TMPO: variants seen among roughly 807,000 people sequenced by gnomAD.
TMPO encodes thymopoietin, also known as LEM domain containing 4.
TMPO carries 22 observed loss-of-function variants against 45.4 expected under a neutral mutation model. That is an observed-to-expected ratio of 0.48 (90% CI 0.35 to 0.69). The LOEUF is 0.69. Ranked by LOEUF, TMPO falls within the 30% of genes least tolerant of loss-of-function variation. The probability of loss-of-function intolerance (pLI) is 0.01; values close to 1 mark genes in which losing one functional copy is unlikely to be tolerated. For synonymous variants in TMPO, 241 were observed against 204.1 expected (o/e 1.18, Z -1.54); for missense variants, 512 against 548.8 (o/e 0.93, Z 0.67).
At chr12:98,545,953 G>A (rs1422383926) in intron 7 of TMPO, among the ~76,000 whole-genome samples, 1 of 151,994 alleles carries the variant, frequency 6.6e-6, no homozygotes, top group African/African-American at 2.4e-5. Context: ...GGCTGGTCTC[G>A]AACTCCTGAC....
At chr12:98,529,366 TATCA>T (rs764918452) in intron 2 of TMPO, among the ~76,000 whole-genome samples, 48 of 152,134 alleles carry the variant, frequency 3.2e-4, no homozygotes, top group Non-Finnish European at 5.6e-4. Flanking sequence ...CTTTTTCATT[TATCA>T]TTAAAAGTAC....
intron 1 of TMPO, among the ~76,000 whole-genome samples, chr12:98,524,833 A>G (rs1442104308): frequency 1.3e-5 from 2 of 152,150 alleles, no homozygotes; most frequent in Non-Finnish European, 2.9e-5. Flanking sequence ...ACTTCAAGTG[A>G]TCCACCCACC....
chr12:98,537,588 TTACCACCGTG>T lies in TMPO; in HGVS notation c.663+20_663+29del. 6.3e-7 allele frequency: 1 copy of T among 1,587,828 alleles called. No individual in the cohort carries two copies. The highest frequency in any genetic ancestry group is 8.6e-7 in the Non-Finnish European group (1 of 1,158,560). ...GCACAATCAGGTATCTTTAGTTTTA[TTACCACCGTG>T]TACAGGTATAAATAACCTCCTGACA... On this transcript the variant is annotated intron_variant, in intron 4 of 8. Transcript: ENST00000556029.
intron 3 of TMPO, chr12:98,533,167 T>TTC: frequency 6.2e-7 from 1 of 1,614,152 alleles, no homozygotes; most frequent in South Asian, 1.1e-5. Flanking sequence ...CAGTGCCATG[T>TTC]TGGTCTCTAC....
At chr12:98,530,348 A>AT (rs1457352877) in intron 2 of TMPO, among the ~76,000 whole-genome samples, 1 of 152,142 alleles carries the variant, frequency 6.6e-6, no homozygotes, top group African/African-American at 2.4e-5. Context: ...AAAAAAAAAA[A>AT]AGAAATTCCA....
intron 4 of TMPO, among the ~76,000 whole-genome samples, chr12:98,539,277 G>A (rs1877765362): frequency 6.6e-6 from 1 of 151,974 alleles, no homozygotes; most frequent in Non-Finnish European, 1.5e-5. Flanking sequence ...AAACTGAGGA[G>A]CAGAATAAAT....
Position 98,548,990 on chromosome 12 carries a change from G to A in TMPO, c.*1132G>A, listed in dbSNP as rs1230951735. ...AAAAAAATTAGCTGGGCGTGATGAT[G>A]TGCGCCTGTAGTCCTGTCTACTAGG... On this transcript the variant is annotated 3_prime_UTR_variant, in exon 9 of 9. Coordinates refer to ENST00000556029, the MANE Select transcript of TMPO (RefSeq NM_001032283.3). 5.9e-5 allele frequency: 9 copies of A among 152,334 alleles called. No homozygotes were observed. The highest frequency in any genetic ancestry group is 1.9e-4 in the African/African-American group (8 of 41,516). The allele number at this position is 152,334 out of a possible 1,614,324, so 9.4% of individuals were successfully genotyped here.
intron 1 of TMPO, among the ~76,000 whole-genome samples, chr12:98,520,742 G>A (rs1444956363): frequency 2.0e-5 from 3 of 151,436 alleles, no homozygotes; most frequent in Non-Finnish European, 4.4e-5. Context: ...CCGCCACCAC[G>A]CCTGGCTAAT....
chr12:98,534,605 GCTTTA>G, intron 3 of TMPO: 1 of 1,234,212 alleles, frequency 8.1e-7, no homozygotes, highest in Non-Finnish European at 1.0e-6. Flanking sequence ...TCTGTTTCCT[GCTTTA>G]CTTATGTTTT....
chr12:98,545,129 G>GTTTTGTTTT, intron 7 of TMPO, 68 bp downstream of exon 7: 1 of 649,280 alleles, frequency 1.5e-6, no homozygotes, highest in Non-Finnish European at 2.4e-6. Flanking sequence ...ATATTTGTTT[G>GTTTTGTTTT]TTTTTTTTTT....
intron 6 of TMPO, 102 bp from the exon 7 acceptor site, chr12:98,544,849 G>A: frequency 9.9e-7 from 1 of 1,008,640 alleles, no homozygotes; most frequent in Admixed American, 1.8e-5. Flanking sequence ...TTTACTAAGG[G>A]AAAATTTCTA....
chr12:98,539,078 T>C (rs965882509), intron 4 of TMPO, among the ~76,000 whole-genome samples: 51 of 151,972 alleles, frequency 3.4e-4, no homozygotes, highest in Non-Finnish European at 6.6e-4. Context: ...TGCATGCCTG[T>C]AATCCTAGCT....
Position 98,527,940 on chromosome 12 carries a change from G to A in TMPO, c.334G>A (p.Val112Ile). The A allele has an allele frequency of 6.2e-7, 1 of 1,613,912 alleles. No individual in the cohort carries two copies. Among genetic ancestry groups the A allele is most frequent in the South Asian group, 1.1e-5 (1 of 91,076 alleles). The part of the protein sequence containing the change: ...PRQEDKDDLD[V>I]TELTNEDLLD... ...ACAAGAAGATAAAGATGATCTAGAT[G>A]TAACAGAGCTCACTAATGAAGATCT... Residue 112 changes from valine to isoleucine, a missense_variant, in exon 2 of 9, where the codon GTA becomes ATA. Transcript: ENST00000556029.
rs1188908487 is a variant in TMPO, at chr12:98,544,940, A to G, written c.880-11A>G. On this transcript the variant is annotated splice_polypyrimidine_tract_variant and intron_variant, in intron 6 of 8. Transcript: ENST00000556029. Reference sequence around the variant, plus strand: ...GATAATTCTGAGTCTGAATAATTTGAATCTTGGCAGGTTGTCAATAGGGTG... The same window carrying G: ...GATAATTCTGAGTCTGAATAATTTGGATCTTGGCAGGTTGTCAATAGGGTG... 6.3e-7 allele frequency: 1 copy of G among 1,578,820 alleles called. No individual in the cohort carries two copies. Among genetic ancestry groups the G allele is most frequent in the Non-Finnish European group, 8.7e-7 (1 of 1,149,240 alleles).
Position 98,533,117 on chromosome 12 carries a change from G to A in TMPO, c.565+1279G>A, listed in dbSNP as rs751811256. 5 of 1,614,024 alleles carry A rather than the reference G, an allele frequency of 3.1e-6. No homozygotes were observed. The highest frequency in any genetic ancestry group is 1.6e-4 in the Middle Eastern group (1 of 6,084). On this transcript the variant is annotated intron_variant, in intron 3 of 8. Coordinates refer to ENST00000556029, the MANE Select transcript of TMPO (RefSeq NM_001032283.3). ...TCATGCAAGTCTAGCCATGATAGGT[G>A]TTTAGAGAAAAGTTCTTCGTCATCT...
At chr12:98,520,310 T>C (rs7135186) in intron 1 of TMPO, among the ~76,000 whole-genome samples, 1,581 of 99,408 alleles carry the variant, frequency 0.016, 27 homozygotes, top group Middle Eastern at 0.034. Flanking sequence ...TCCTTCCTTC[T>C]GTGTGTGTGA....
In TMPO at chr12:98,548,812, C is replaced by T. The variant is rs928191922; in HGVS notation, c.*954C>T. The T allele has an allele frequency of 2.6e-5, 4 of 152,128 alleles. No homozygotes were observed. Among genetic ancestry groups the T allele is most frequent in the African/African-American group, 9.7e-5 (4 of 41,430 alleles). 9.4% of individuals were successfully genotyped at this position (152,128 alleles called of 1,614,324 possible). A position where few individuals can be genotyped will look rare whatever the true frequency, so the allele number is the denominator to read the frequency against. On this transcript the variant is annotated 3_prime_UTR_variant, in exon 9 of 9. Transcript: ENST00000556029. ...GCTTTTTTTGCCCTATATTTCCCAGCATAATTTGATTAGAAAGTACAAAAA... is the reference window on the plus strand; with the variant it reads ...GCTTTTTTTGCCCTATATTTCCCAGTATAATTTGATTAGAAAGTACAAAAA...
intron 4 of TMPO, among the ~76,000 whole-genome samples, chr12:98,542,691 A>T (rs1374276034): frequency 1.3e-5 from 2 of 151,972 alleles, no homozygotes; most frequent in African/African-American, 4.8e-5. Context: ...CCCTGTCTCT[A>T]CTGAAAATAC....
intron 4 of TMPO, among the ~76,000 whole-genome samples, chr12:98,543,953 C>T (rs1292406010): frequency 6.6e-6 from 1 of 152,176 alleles, no homozygotes; most frequent in Non-Finnish European, 1.5e-5. Flanking sequence ...AAAAAGGGAA[C>T]TGGTGATAGT....
Sources: allele counts gnomAD v4.1 joint callset (sites outside exome capture counted in the v4.1 genomes callset), GRCh38; gene constraint gnomAD v4.1.1; transcripts MANE v1.5; gene names NCBI Gene and HGNC (gene_info 2026-07-23, HGNC 2026-07-21).